The following DACT1 variants were observed in gnomAD, a reference collection of about 807,000 sequenced individuals.
The protein encoded by DACT1 is dapper homolog 1.
DACT1 carries 19 observed loss-of-function variants against 35.3 expected under a neutral mutation model. The observed-to-expected ratio is 0.54, with a 90% CI of 0.38 to 0.79. The LOEUF is 0.79. Ranked by LOEUF, DACT1 falls within the 30% of genes least tolerant of loss-of-function variation. The pLI, the probability that DACT1 is intolerant of heterozygous loss-of-function variation, is 0.00. For missense variants in DACT1, 1,143 were observed against 1,057.5 expected, an observed-to-expected ratio of 1.08 and a Z score of -1.12; for synonymous variants, 545 against 466.7, an observed-to-expected ratio of 1.17 and a Z score of -2.16.
chr14:58,643,302 T>C (rs998389120), intron 3 of DACT1, among the ~76,000 whole-genome samples: 4 of 152,240 alleles, frequency 2.6e-5, no homozygotes, highest in African/African-American at 9.6e-5. Flanking sequence ...TGTTACATTG[T>C]GAATTCTTAT....
Position 58,638,286 on chromosome 14 carries a change from G to C in DACT1, c.84G>C (p.Glu28Asp), listed in dbSNP as rs2047592959. 3 of 1,351,326 alleles carry C rather than the reference G, an allele frequency of 2.2e-6. No homozygotes were observed. In the South Asian group the frequency reaches 5.4e-5, roughly 24 times the overall value. The allele number at this position is 1,351,326 out of a possible 1,614,324, so 83.7% of individuals were successfully genotyped here. The change falls in exon 1 of 4, where the codon GAG (glutamate) becomes GAC (aspartate). Residue 28 changes from glutamate (E) to aspartate (D), a missense_variant. Physicochemically the swap from Glu to Asp is conservative, Grantham distance 45 (BLOSUM62 2). This residue lies in a region of DACT1 where 85 missense variants were observed against 81.8 expected (regional missense o/e 1.04). Coordinates refer to ENST00000395153, the MANE Select transcript of DACT1 (RefSeq NM_001079520.2). ...GCGAGCAGCGCACGGCGGAGCCCGA[G>C]GGGCGCTGGCGGGAGAAGGGCGAGG... ...ARGEQRTAEPEGRWREKGEAD... is the reference protein window; with the variant it reads ...ARGEQRTAEPDGRWREKGEAD...
chr14:58,644,407 T>C (rs1489966175), intron 3 of DACT1, among the ~76,000 whole-genome samples: 1 of 152,174 alleles, frequency 6.6e-6, no homozygotes, highest in Non-Finnish European at 1.5e-5. Flanking sequence ...AAATTAAAAA[T>C]TTTGTTGTAG....
At chr14:58,636,797 C>T (rs72718786), upstream of DACT1, among the ~76,000 whole-genome samples, 11,651 of 152,014 alleles carry the variant, frequency 0.077, 577 homozygotes, top group Non-Finnish European at 0.11. Context: ...TACTTTTCCA[C>T]AGATAAGCCA....
Position 58,645,606 on chromosome 14 carries a change from C to T in DACT1, c.872C>T (p.Ser291Phe). The T allele has an allele frequency of 6.2e-7, 1 of 1,614,200 alleles. No homozygotes were observed. The highest frequency in any genetic ancestry group is 8.5e-7 in the Non-Finnish European group (1 of 1,180,046). ...TTACCGTCCCCAAGCAGTCTGTGGT[C>T]TGCTTCCCATCCTTCATCCAGCAAG... Reference protein sequence around the residue: ...SSLPSPSSLWSASHPSSSKKM... With the variant: ...SSLPSPSSLWFASHPSSSKKM... Residue 291 changes from serine (S) to phenylalanine (F), a missense_variant, in exon 4 of 4, where the codon TCT (serine) becomes TTT (phenylalanine). By Grantham distance (155) the Ser-to-Phe change is radical. This residue lies in a region of DACT1 where 1,054 missense variants were observed against 958.8 expected (regional missense o/e 1.10). Transcript: ENST00000395153.
chr14:58,636,646 A>T (rs1051622093), upstream of DACT1, among the ~76,000 whole-genome samples: 1 of 152,146 alleles, frequency 6.6e-6, no homozygotes, highest in Non-Finnish European at 1.5e-5. Flanking sequence ...GGGTAAGCAG[A>T]TGGGCAAAAG....
rs773828792 is a variant in DACT1, at chr14:58,647,007, C to T, written c.2273C>T (p.Thr758Met). The T allele has an allele frequency of 5.6e-6, 9 of 1,614,178 alleles. No individual in the cohort carries two copies. Among genetic ancestry groups the T allele is most frequent in the Admixed American group, 3.3e-5 (2 of 60,022 alleles). ...TTTGTCCAGACTCTGCCCATTCAAA[C>T]GGTAACGGCCCCAGACCTTCACAAC... ...SQFVQTLPIQ[T>M]VTAPDLHNHP... is the part of the protein sequence containing the mutation. The change falls in exon 4 of 4, where the codon ACG (threonine) becomes ATG (methionine). Residue 758 changes from threonine (T) to methionine (M), a missense_variant. Coordinates refer to ENST00000395153, the MANE Select transcript of DACT1 (RefSeq NM_001079520.2).
intron 1 of DACT1, 133 bp from the exon 2 acceptor site, chr14:58,640,603 G>C: frequency 9.9e-7 from 1 of 1,005,368 alleles, no homozygotes; most frequent in Non-Finnish European, 1.5e-6. Flanking sequence ...CGTTACTTCA[G>C]GTCATCCAGT....
At chr14:58,639,338 G>T (rs1009054769) in intron 1 of DACT1, 4 of 876,622 alleles carry the variant, frequency 4.6e-6, no homozygotes, top group Middle Eastern at 5.7e-4. Context: ...GGAAGAAAAA[G>T]AACTTTGTAG....
chr14:58,646,589 A>G lies in DACT1; in HGVS notation c.1855A>G (p.Arg619Gly), dbSNP rs201480480. 1.3e-6 allele frequency: 2 copies of G among 1,584,752 alleles called. No individual in the cohort carries two copies. Among genetic ancestry groups the G allele is most frequent in the Non-Finnish European group, 1.7e-6 (2 of 1,165,854 alleles). The change falls in exon 4 of 4, where the codon AGG becomes GGG. Residue 619 changes from arginine (R) to glycine (G), a missense_variant. This residue lies in a region of DACT1 where 1,054 missense variants were observed against 958.8 expected (regional missense o/e 1.10). Transcript: ENST00000395153. ...PAGGGHRAGSRAHGHGREAVV... is the reference protein window; with the variant it reads ...PAGGGHRAGSGAHGHGREAVV... ...GGGCGGGGGCCACAGGGCGGGGAGC[A>G]GGGCGCATGGCCACGGACGGGAGGC...
At chr14:58,642,995 A>G (rs535958575) in intron 3 of DACT1, among the ~76,000 whole-genome samples, 1 of 152,314 alleles carries the variant, frequency 6.6e-6, no homozygotes, top group Admixed American at 6.5e-5. Flanking sequence ...TCCTCCCAAT[A>G]GTCGTGCACA....
In DACT1 at chr14:58,646,528, G is replaced by A; in HGVS notation, c.1794G>A (p.Gly598=). Reference sequence around the variant, plus strand: ...CCTCCTCCAAGGGGAGGAAGAGTGGGGGCGGGCCCGAGGCTGGTGTTCCCG... The same window carrying A: ...CCTCCTCCAAGGGGAGGAAGAGTGGAGGCGGGCCCGAGGCTGGTGTTCCCG... The part of the protein sequence containing the change: ...KKASSKGRKS[G]GGPEAGVPGR... The change falls in exon 4 of 4, where the codon GGG becomes GGA. Residue 598 remains glycine (G), a synonymous_variant. Coordinates refer to ENST00000395153, the MANE Select transcript of DACT1 (RefSeq NM_001079520.2). 6.4e-7 allele frequency: 1 copy of A among 1,556,662 alleles called. No homozygotes were observed. The highest frequency in any genetic ancestry group is 8.7e-7 in the Non-Finnish European group (1 of 1,153,972).
chr14:58,636,308 G>GA (rs1038732241), upstream of DACT1, among the ~76,000 whole-genome samples: 1 of 152,128 alleles, frequency 6.6e-6, no homozygotes, highest in Non-Finnish European at 1.5e-5. Context: ...GTATGCTAAT[G>GA]AAAAAACAAT....
In DACT1 at chr14:58,647,279, C is replaced by A. The variant is rs2047702497; in HGVS notation, c.*145C>A. The A allele has an allele frequency of 3.1e-6, 3 of 959,666 alleles. No individual in the cohort carries two copies. The highest frequency in any genetic ancestry group is 4.6e-6 in the Non-Finnish European group (3 of 648,568). The allele number at this position is 959,666 out of a possible 1,614,324, so 59.4% of individuals were successfully genotyped here. A position where few individuals can be genotyped will look rare whatever the true frequency, so the allele number is the denominator to read the frequency against. ...ATAAAACCAAGGTAAATTATTGTTT[C>A]ATCTTCACGTATGGATGCTAGTGCC... is the stretch of plus-strand genomic sequence containing the variant. On this transcript the variant is annotated 3_prime_UTR_variant, in exon 4 of 4. Coordinates refer to ENST00000395153, the MANE Select transcript of DACT1 (RefSeq NM_001079520.2).
Position 58,638,280 on chromosome 14 carries a change from GC to G in DACT1, c.81del (p.Glu28ArgfsTer84). On this transcript the variant is annotated frameshift_variant, in exon 1 of 4. Coordinates refer to ENST00000395153, the MANE Select transcript of DACT1 (RefSeq NM_001079520.2). LOFTEE classifies it high-confidence loss of function. ...PARGEQRTAE[P>X]EGRWREKGEA... ...CCCGAGGCGAGCAGCGCACGGCGGAGCCCGAGGGGCGCTGGCGGGAGAAGGG... is the reference window on the plus strand; with the variant it reads ...CCCGAGGCGAGCAGCGCACGGCGGAGCCGAGGGGCGCTGGCGGGAGAAGGG... 1 of 1,353,632 alleles carries G rather than the reference GC, an allele frequency of 7.4e-7. No homozygotes were observed. The highest frequency in any genetic ancestry group is 1.8e-5 in the South Asian group (1 of 55,870). The allele number at this position is 1,353,632 out of a possible 1,614,324, so 83.9% of individuals were successfully genotyped here.
chr14:58,639,593 GTGT>G (rs1402820424), intron 1 of DACT1, among the ~76,000 whole-genome samples: 1 of 152,162 alleles, frequency 6.6e-6, no homozygotes, highest in Non-Finnish European at 1.5e-5. Flanking sequence ...GTGTGTGTGT[GTGT>G]TTTTAAGCAC....
upstream of DACT1, among the ~76,000 whole-genome samples, chr14:58,634,702 G>C (rs2140208390): frequency 6.6e-6 from 1 of 152,300 alleles, no homozygotes; most frequent in South Asian, 2.1e-4. Flanking sequence ...TTGTTGCTTT[G>C]CTTGATGGCA....
chr14:58,640,530 C>G (rs144788089), intron 1 of DACT1, among the ~76,000 whole-genome samples: 1 of 152,262 alleles, frequency 6.6e-6, no homozygotes, highest in East Asian at 1.9e-4. Flanking sequence ...AACTTTATAT[C>G]ACCACAAAAT....
At chr14:58,638,948 C>CT (rs1595595625) in intron 1 of DACT1, 2 of 991,132 alleles carry the variant, frequency 2.0e-6, no homozygotes, top group Non-Finnish European at 2.4e-6. Flanking sequence ...GTTTTCTTGA[C>CT]TTTATCTCCT....
chr14:58,643,266 G>A (rs1313745970), intron 3 of DACT1, among the ~76,000 whole-genome samples: 2 of 152,224 alleles, frequency 1.3e-5, no homozygotes, highest in Non-Finnish European at 2.9e-5. Context: ...GGTTGCTGCT[G>A]GAACTCAAGA....
Sources: gnomAD v4.1 joint callset for allele counts (sites outside exome capture counted in the v4.1 genomes callset) on GRCh38, gnomAD v4.1.1 for gene constraint, gnomAD v4.1.1 regional missense constraint, MANE v1.5 for transcripts, NCBI Gene and HGNC (gene_info 2026-07-23, HGNC 2026-07-21) for gene names.